ARNT: variants seen among roughly 807,000 people sequenced by gnomAD.
ARNT encodes the protein aryl hydrocarbon receptor nuclear translocator.
ARNT carries 30 observed loss-of-function variants against 105.0 expected under a neutral mutation model. The ratio of observed to expected loss-of-function variants is 0.29; its 90% CI spans 0.21 to 0.39. ARNT has a LOEUF of 0.39. ARNT is among the 10% of genes least tolerant of loss of function. The pLI is 1.00. For missense variants in ARNT, 748 were observed against 978.7 expected (o/e 0.76, Z 3.15); for synonymous variants, 304 against 344.0 (o/e 0.88, Z 1.29).
chr1:150,831,585 T>C, intron 10 of ARNT: 1 of 474,262 alleles, frequency 2.1e-6, no homozygotes, highest in Non-Finnish European at 3.7e-6. Context: ...AAAAACCACA[T>C]TCTGTGACAC....
Position 150,817,063 on chromosome 1 carries a change from T to C in ARNT, c.1699+19A>G, listed in dbSNP as rs984780814. ...TGATCTAAATGAGAATTTAAAAGGA[T>C]AATGAGAAAGAAACATACCCGCATT... On this transcript the variant is annotated intron_variant, in intron 17 of 21. Coordinates refer to ENST00000358595, the MANE Select transcript of ARNT (RefSeq NM_001668.4). 2.5e-6 allele frequency: 4 copies of C among 1,613,902 alleles called. No individual in the cohort carries two copies. Among genetic ancestry groups the C allele is most frequent in the Admixed American group, 1.7e-5 (1 of 59,968 alleles).
intron 1 of ARNT, among the ~76,000 whole-genome samples, chr1:150,865,046 A>T (rs751684234): frequency 2.2e-4 from 34 of 151,922 alleles, no homozygotes; most frequent in Non-Finnish European, 4.4e-4. Context: ...ATAAATTAAA[A>T]TTAATCTGAC....
chr1:150,842,447 A>C lies in ARNT; in HGVS notation c.249T>G (p.Ser83=), dbSNP rs10305678. ...ACCTGGCAAGTCTCTCTTTATCCGCAGAGCTCTGCTCATCATCCGACCTAA... is the reference window on the plus strand; with the variant it reads ...ACCTGGCAAGTCTCTCTTTATCCGCCGAGCTCTGCTCATCATCCGACCTAA... ...RFARSDDEQS[S]ADKERLAREN... Residue 83 remains serine (S), a synonymous_variant, in exon 5 of 22, where the codon TCT becomes TCG. Transcript: ENST00000358595. 1 of 1,611,984 alleles carries C rather than the reference A, an allele frequency of 6.2e-7. No homozygotes were observed. The highest frequency in any genetic ancestry group is 8.5e-7 in the Non-Finnish European group (1 of 1,178,802).
At chr1:150,834,078 C>T (rs956771176) in intron 8 of ARNT, among the ~76,000 whole-genome samples, 9 of 151,878 alleles carry the variant, frequency 5.9e-5, no homozygotes, top group Non-Finnish European at 1.0e-4. Context: ...GGATTATGGG[C>T]GCACGCCACC....
intron 1 of ARNT, among the ~76,000 whole-genome samples, chr1:150,871,581 A>G (rs1393654949): frequency 6.7e-6 from 1 of 149,000 alleles, no homozygotes; most frequent in Non-Finnish European, 1.5e-5. Context: ...GATTACAGGC[A>G]TGAGCCACCA....
chr1:150,854,765 G>A (rs1202797251), intron 2 of ARNT, among the ~76,000 whole-genome samples: 2 of 149,142 alleles, frequency 1.3e-5, no homozygotes, highest in Non-Finnish European at 3.0e-5. Context: ...GCTGAGGCAT[G>A]AGAATTGCCT....
chr1:150,813,515 T>C (rs1254275642), intron 20 of ARNT, among the ~76,000 whole-genome samples, 177 bp from the exon 21 acceptor site: 2 of 152,226 alleles, frequency 1.3e-5, no homozygotes, highest in South Asian at 4.1e-4. Context: ...TAATTCTTCT[T>C]CTCCAGGCAG....
At chr1:150,841,044 G>A (rs1661207245) in intron 5 of ARNT, among the ~76,000 whole-genome samples, 1 of 149,752 alleles carries the variant, frequency 6.7e-6, no homozygotes, top group Non-Finnish European at 1.5e-5. Flanking sequence ...CGCCTTCTGG[G>A]TTCAAGCAAT....
At chr1:150,847,144 G>T (rs933090989) in intron 3 of ARNT, among the ~76,000 whole-genome samples, 6 of 152,094 alleles carry the variant, frequency 3.9e-5, no homozygotes, top group African/African-American at 1.4e-4. Flanking sequence ...AGAAAAAGAA[G>T]GGGGAGGCTG....
rs587692343 is a variant in ARNT at position 150,876,479 on chromosome 1, T to C, written c.25+64A>G. Reference sequence around the variant, plus strand: ...AGCTGCGTCCCCTCAGCCCTGGGTCTCCTTAGTTGTCAGCCCCTTCGGCCC... The same window carrying C: ...AGCTGCGTCCCCTCAGCCCTGGGTCCCCTTAGTTGTCAGCCCCTTCGGCCC... On this transcript the variant is annotated intron_variant, in intron 1 of 21. Transcript: ENST00000358595. 178 of 1,539,642 alleles carry C rather than the reference T, an allele frequency of 1.2e-4. 5 individuals are homozygous for C. In the South Asian group the frequency reaches 2.0e-3, roughly 17 times the overall value.
At position 150,842,301 on chromosome 1, in the gene ARNT, G is replaced by A. The variant is rs1299016763; in HGVS notation, c.272+123C>T. On this transcript the variant is annotated intron_variant, in intron 5 of 21. Transcript: ENST00000358595. The stretch of plus-strand genomic sequence containing the variant: ...TACACTCAAACTTCTAAAAAATCTT[G>A]TCCTCTCTTGCCACAGATAAGGAAA... The A allele has an allele frequency of 2.2e-6, 3 of 1,392,524 alleles. No individual in the cohort carries two copies. In the African/African-American group the frequency reaches 4.4e-5, roughly 20 times the overall value. The allele number at this position is 1,392,524 out of a possible 1,614,324, so 86.3% of individuals were successfully genotyped here.
At chr1:150,865,538 C>A (rs766963686) in intron 1 of ARNT, among the ~76,000 whole-genome samples, 6 of 152,194 alleles carry the variant, frequency 3.9e-5, no homozygotes, top group Non-Finnish European at 8.8e-5. Flanking sequence ...AGTTCAGCAT[C>A]TGTTTACTAC....
intron 1 of ARNT, among the ~76,000 whole-genome samples, chr1:150,868,467 G>A (rs751217442): frequency 3.7e-4 from 56 of 152,212 alleles, no homozygotes; most frequent in Non-Finnish European, 7.6e-4. Context: ...GTTTCTAGGA[G>A]AGGCTCAATT....
chr1:150,834,131 G>A (rs1207537894), intron 8 of ARNT, among the ~76,000 whole-genome samples: 2 of 151,882 alleles, frequency 1.3e-5, no homozygotes, highest in Admixed American at 1.3e-4. Flanking sequence ...AGTAGAGATG[G>A]GGTTTCACCA....
intron 2 of ARNT, among the ~76,000 whole-genome samples, chr1:150,856,631 C>T (rs1038333213): frequency 6.6e-5 from 10 of 151,756 alleles, no homozygotes; most frequent in Middle Eastern, 6.9e-3. Flanking sequence ...GGCGTGGTGG[C>T]GCACGCCTGT....
At chr1:150,820,196 A>G (rs751777201) in intron 14 of ARNT, among the ~76,000 whole-genome samples, 1 of 152,236 alleles carries the variant, frequency 6.6e-6, no homozygotes. Context: ...AATATTTACT[A>G]TCTAGCCCCA....
chr1:150,840,290 TAA>T (rs1224437161), intron 5 of ARNT, among the ~76,000 whole-genome samples: 1 of 152,096 alleles, frequency 6.6e-6, no homozygotes, highest in Non-Finnish European at 1.5e-5. Flanking sequence ...ATAGTATTTT[TAA>T]ATGCTGATTT....
Position 150,813,348 on chromosome 1 carries a change from C to T in ARNT, c.2114-10G>A, listed in dbSNP as rs1387248187. 1 of 1,586,452 alleles carries T rather than the reference C, an allele frequency of 6.3e-7. No homozygotes were observed. The highest frequency in any genetic ancestry group is 8.6e-7 in the Non-Finnish European group (1 of 1,165,042). ...TGTCCAGTCTCAGGAGCTAGAAATACAGCAAGGAAGAATAAACAACTCCAA... is the reference window on the plus strand; with the variant it reads ...TGTCCAGTCTCAGGAGCTAGAAATATAGCAAGGAAGAATAAACAACTCCAA... On this transcript the variant is annotated splice_polypyrimidine_tract_variant and intron_variant, in intron 20 of 21. Transcript: ENST00000358595.
intron 9 of ARNT, 150 bp from the exon 10 acceptor site, chr1:150,832,053 T>C: frequency 1.4e-6 from 1 of 711,042 alleles, no homozygotes; most frequent in South Asian, 1.8e-5. Context: ...ACCGCCACAT[T>C]TTTACCCTTG....
Sources: gnomAD v4.1 joint callset for allele counts (sites outside exome capture counted in the v4.1 genomes callset) on GRCh38, gnomAD v4.1.1 for gene constraint, MANE v1.5 for transcripts, NCBI Gene and HGNC (gene_info 2026-07-23, HGNC 2026-07-21) for gene names.